PCDH11Y: variants seen among roughly 807,000 people sequenced by gnomAD.
PCDH11Y encodes protocadherin 11 Y-linked.
For missense variants in PCDH11Y, 12 were observed against 224.8 expected, an observed-to-expected ratio of 0.05 and a Z score of 6.05; for synonymous variants, 9 against 83.6, an observed-to-expected ratio of 0.11 and a Z score of 4.87.
chrY:5,389,480 T>A, intron 2 of PCDH11Y, among the ~76,000 whole-genome samples: 1 of 30,458 alleles, frequency 3.3e-5, no homozygotes, highest in Non-Finnish European at 7.8e-5. Context: ...AAGAGTGTCA[T>A]TTTTTAAATG....
chrY:5,257,387 A>G, intron 2 of PCDH11Y, among the ~76,000 whole-genome samples: 1 of 32,957 alleles, frequency 3.0e-5, no homozygotes, highest in Non-Finnish European at 7.5e-5. Context: ...CCTATGATAA[A>G]TCCCACTTGA....
chrY:5,565,174 G>T, intron 3 of PCDH11Y, among the ~76,000 whole-genome samples: 1 of 33,615 alleles, frequency 3.0e-5, no homozygotes, highest in Non-Finnish European at 7.4e-5. Context: ...GATTAATACA[G>T]ATTGACTTAG....
chrY:5,666,497 C>T, intron 4 of PCDH11Y, among the ~76,000 whole-genome samples: 1 of 33,787 alleles, frequency 3.0e-5, no homozygotes, highest in African/African-American at 1.1e-4. Flanking sequence ...ATTTAGAACA[C>T]GACATAAAAG....
intron 2 of PCDH11Y, among the ~76,000 whole-genome samples, chrY:5,211,214 G>T (rs1602886882): frequency 3.4e-5 from 1 of 29,154 alleles, no homozygotes; most frequent in South Asian, 8.9e-4. Context: ...TCCTCAAAGC[G>T]ACTCTGCATT....
rs200417540 is a variant in PCDH11Y, at chrY:5,295,894, T to C, written c.3129+195187T>C. On this transcript the variant is annotated intron_variant, in intron 2 of 4. Transcript: ENST00000400457. ...GCATGTCAGTTGCATCTTTCCACTC[T>C]AGAATTGTTGGATTTATCTGATAAA... is the stretch of plus-strand genomic sequence containing the variant. Among the ~76,000 whole-genome samples the C allele has an allele frequency of 1.5e-3, 52 of 33,640 alleles. No homozygotes were observed. The East Asian group carries it at 0.04, about 26-fold the overall frequency. The allele number at this position is 33,640 out of a possible 37,273, so 90.3% of individuals were successfully genotyped here.
intron 2 of PCDH11Y, among the ~76,000 whole-genome samples, chrY:5,248,232 C>T: frequency 4.3e-5 from 1 of 23,217 alleles, no homozygotes; most frequent in Non-Finnish European, 9.8e-5. Flanking sequence ...TTTTATGAGG[C>T]CAACATCATC....
intron 2 of PCDH11Y, among the ~76,000 whole-genome samples, chrY:5,392,630 T>C: frequency 6.0e-5 from 2 of 33,518 alleles, no homozygotes. Context: ...TCAAAATTTA[T>C]GTGCCAGATT....
intron 1 of PCDH11Y, chrY:5,019,215 A>T: frequency 3.1e-5 from 1 of 32,490 alleles, no homozygotes; most frequent in African/African-American, 1.2e-4. Flanking sequence ...TGCTCTGTCC[A>T]CTCCACACAT....
chrY:5,489,438 T>C, intron 2 of PCDH11Y, among the ~76,000 whole-genome samples: 1 of 29,068 alleles, frequency 3.4e-5, no homozygotes, highest in Non-Finnish European at 8.2e-5. Context: ...TTAATGGATG[T>C]AGTGGCTTGA....
intron 3 of PCDH11Y, among the ~76,000 whole-genome samples, chrY:5,517,114 T>C (rs2124689657): frequency 3.9e-4 from 13 of 33,406 alleles, no homozygotes; most frequent in Admixed American, 3.6e-3. Flanking sequence ...AAAATCAAAG[T>C]GACTCACATT....
chrY:5,543,117 A>C (rs1310393867), intron 3 of PCDH11Y, among the ~76,000 whole-genome samples: 7 of 33,438 alleles, frequency 2.1e-4, no homozygotes, highest in Non-Finnish European at 3.7e-4. Flanking sequence ...CATCTGCTTT[A>C]AATGTCACTT....
chrY:5,681,989 T>G, intron 4 of PCDH11Y, among the ~76,000 whole-genome samples: 1 of 31,435 alleles, frequency 3.2e-5, no homozygotes, highest in Non-Finnish European at 7.6e-5. Context: ...AAAGTGACCT[T>G]GGCTCCATTT....
chrY:5,105,023 A>G, downstream of PCDH11Y: 1 of 155,303 alleles, frequency 6.4e-6, no homozygotes, highest in Non-Finnish European at 8.0e-6. Flanking sequence ...CGGGTGGATC[A>G]CGAGGTCAGG....
At chrY:5,198,015 A>T in intron 2 of PCDH11Y, among the ~76,000 whole-genome samples, 1 of 31,664 alleles carries the variant, frequency 3.2e-5, no homozygotes, top group Non-Finnish European at 7.7e-5. Flanking sequence ...CTGGTGACAG[A>T]TTGTAAGTGT....
At chrY:5,174,492 C>T (rs2052890830) in intron 2 of PCDH11Y, among the ~76,000 whole-genome samples, 21 of 30,406 alleles carry the variant, frequency 6.9e-4, no homozygotes, top group Non-Finnish European at 1.4e-3. Flanking sequence ...AAAACAACCT[C>T]GCAAAATCAC....
intron 2 of PCDH11Y, among the ~76,000 whole-genome samples, chrY:5,257,410 A>AT (rs2053012582): frequency 4.3e-4 from 13 of 30,108 alleles, no homozygotes; most frequent in East Asian, 3.6e-3. Context: ...ATGATAAATG[A>AT]TTTTTTTTTT....
chrY:5,588,929 C>A (rs2053458304), intron 4 of PCDH11Y, among the ~76,000 whole-genome samples: 1 of 32,682 alleles, frequency 3.1e-5, no homozygotes, highest in Non-Finnish European at 7.5e-5. Context: ...GATAAAACTT[C>A]CTACTCATAT....
chrY:5,442,874 G>A (rs2124681938), intron 2 of PCDH11Y, among the ~76,000 whole-genome samples: 1 of 32,153 alleles, frequency 3.1e-5, no homozygotes, highest in East Asian at 8.3e-4. Flanking sequence ...GGAAGAAATA[G>A]CTTGAGTAGC....
intron 2 of PCDH11Y, among the ~76,000 whole-genome samples, chrY:5,372,649 C>T (rs2124673267): frequency 3.1e-5 from 1 of 31,916 alleles, no homozygotes; most frequent in East Asian, 8.5e-4. Context: ...TTCTCTCCTA[C>T]CATGTAGTCA....
Sources: gnomAD v4.1 joint callset for allele counts (sites outside exome capture counted in the v4.1 genomes callset) on GRCh38, gnomAD v4.1.1 for gene constraint, MANE v1.5 for transcripts, NCBI Gene and HGNC (gene_info 2026-07-23, HGNC 2026-07-21) for gene names.